Variants in CDC27 observed in about 807,000 individuals in gnomAD.
CDC27 encodes the protein cell division cycle protein 27 homolog.
CDC27 carries 27 observed loss-of-function variants against 109.7 expected under a neutral mutation model. The observed-to-expected ratio is 0.25, with a 90% confidence interval of 0.18 to 0.34. The LOEUF is 0.34. CDC27 is among the 10% of genes least tolerant of loss of function. The probability of loss-of-function intolerance (pLI) is 1.00; values close to 1 mark genes in which losing one functional copy is unlikely to be tolerated. For missense variants in CDC27, 579 were observed against 960.2 expected (o/e 0.60, Z 5.25); for synonymous variants, 266 against 333.9 (o/e 0.80, Z 2.22).
At chr17:47,163,463 G>A (rs541891485) in intron 4 of CDC27, among the ~76,000 whole-genome samples, 1 of 152,314 alleles carries the variant, frequency 6.6e-6, no homozygotes, top group East Asian at 1.9e-4. Flanking sequence ...CACTTTGGGA[G>A]GCTGAGGTGC....
In CDC27 at chr17:47,122,402, G is replaced by C. The variant is rs1240161863; in HGVS notation, c.2392+42C>G. Reference sequence around the variant, plus strand: ...GTAGCCTACAAATCCTTATGCAAAAGGTAACTTTCTAAATACTCAAAATCA... The same window carrying C: ...GTAGCCTACAAATCCTTATGCAAAACGTAACTTTCTAAATACTCAAAATCA... On this transcript the variant is annotated intron_variant, in intron 18 of 18. Transcript: ENST00000066544. 5.9e-6 allele frequency: 8 copies of C among 1,358,976 alleles called. No homozygotes were observed. The East Asian group carries it at 1.7e-4, about 29-fold the overall frequency. 84.2% of individuals were successfully genotyped at this position (1,358,976 alleles called of 1,614,324 possible). A position where few individuals can be genotyped will look rare whatever the true frequency, so the allele number is the denominator to read the frequency against.
intron 16 of CDC27, among the ~76,000 whole-genome samples, chr17:47,124,178 AACACACACAC>A (rs59790354): frequency 2.1e-5 from 3 of 144,500 alleles, no homozygotes; most frequent in East Asian, 2.0e-4. Flanking sequence ...GTACACTGAA[AACACACACAC>A]ACACACACAC....
intron 9 of CDC27, among the ~76,000 whole-genome samples, chr17:47,148,305 G>A (rs2063043182): frequency 6.6e-6 from 1 of 152,178 alleles, no homozygotes; most frequent in African/African-American, 2.4e-5. Flanking sequence ...AACACTGGGT[G>A]TGGTTAATAA....
chr17:47,184,054 G>T (rs1274805130), intron 1 of CDC27, among the ~76,000 whole-genome samples: 1 of 152,168 alleles, frequency 6.6e-6, no homozygotes, highest in African/African-American at 2.4e-5. Context: ...TAATTTTGCT[G>T]TAAGTGAAAG....
intron 8 of CDC27, among the ~76,000 whole-genome samples, chr17:47,152,871 A>G (rs992991669): frequency 6.6e-6 from 1 of 151,978 alleles, no homozygotes; most frequent in Admixed American, 6.6e-5. Context: ...TCCTTCTACT[A>G]TTTTTAAATT....
chr17:47,166,399 G>C (rs191372464), intron 4 of CDC27, among the ~76,000 whole-genome samples: 1 of 152,280 alleles, frequency 6.6e-6, no homozygotes, highest in East Asian at 1.9e-4. Flanking sequence ...GCATAGAGTT[G>C]TTTTAAGTTT....
At chr17:47,180,485 T>C (rs2148998154) in intron 2 of CDC27, among the ~76,000 whole-genome samples, 1 of 152,274 alleles carries the variant, frequency 6.6e-6, no homozygotes, top group East Asian at 1.9e-4. Context: ...CATTGCTCTT[T>C]GTCCTTTTGT....
rs2063138796 is a variant in CDC27 at position 47,151,084 on chromosome 17, A to G, written c.1070+722T>C. Among the ~76,000 whole-genome samples the G allele has an allele frequency of 2.6e-5, 4 of 152,370 alleles. No individual in the cohort carries two copies. The South Asian group carries it at 8.3e-4, about 32-fold the overall frequency. On this transcript the variant is annotated intron_variant, in intron 9 of 18. Transcript: ENST00000066544. ...AGTGTTAGTCTATTTGTTTGACTCT[A>G]AAGTGAAATGTACAAATCGGAAATT...
Position 47,171,911 on chromosome 17 carries a change from A to T in CDC27, c.251+6T>A. On this transcript the variant is annotated splice_donor_region_variant and intron_variant, in intron 3 of 18. Coordinates refer to ENST00000066544, the MANE Select transcript of CDC27 (RefSeq NM_001256.6). ...CAAAATAGCTAGAAAATATTTTAAA[A>T]CTTACTTGCTGAGATCAACACAACA... The T allele has an allele frequency of 6.3e-7, 1 of 1,575,556 alleles. No individual in the cohort carries two copies. The highest frequency in any genetic ancestry group is 8.6e-7 in the Non-Finnish European group (1 of 1,164,826).
chr17:47,129,616 T>A (rs183712558), intron 15 of CDC27, 95 bp from the exon 16 acceptor site: 8 of 806,200 alleles, frequency 9.9e-6, no homozygotes, highest in Middle Eastern at 2.4e-4. Context: ...ATCAAATTAT[T>A]AGAGATAAGG....
At chr17:47,127,316 G>C (rs190521918) in intron 16 of CDC27, among the ~76,000 whole-genome samples, 1 of 151,976 alleles carries the variant, frequency 6.6e-6, no homozygotes, top group African/African-American at 2.4e-5. Context: ...ATAGAAACCC[G>C]TGTCTTCATA....
At chr17:47,173,901 T>C (rs1274675429) in intron 2 of CDC27, among the ~76,000 whole-genome samples, 1 of 152,230 alleles carries the variant, frequency 6.6e-6, no homozygotes, top group Non-Finnish European at 1.5e-5. Flanking sequence ...AAGCCCAGCC[T>C]GGCCAACATG....
intron 16 of CDC27, among the ~76,000 whole-genome samples, chr17:47,124,713 T>A (rs1292575973): frequency 6.6e-6 from 1 of 152,270 alleles, no homozygotes; most frequent in Non-Finnish European, 1.5e-5. Context: ...CACATCTATC[T>A]GCTTCTCCAT....
intron 4 of CDC27, among the ~76,000 whole-genome samples, chr17:47,158,544 C>T (rs867736873): frequency 9.2e-5 from 14 of 151,938 alleles, no homozygotes; most frequent in Admixed American, 2.6e-4. Context: ...ATTACTATTA[C>T]TTTAAACTTC....
chr17:47,187,742 A>G (rs2064501517), intron 1 of CDC27, among the ~76,000 whole-genome samples: 1 of 151,962 alleles, frequency 6.6e-6, no homozygotes, highest in African/African-American at 2.4e-5. Context: ...ACAAAATTAT[A>G]AGAATATGCA....
At chr17:47,161,470 G>C (rs2063495763) in intron 4 of CDC27, among the ~76,000 whole-genome samples, 1 of 152,114 alleles carries the variant, frequency 6.6e-6, no homozygotes, top group African/African-American at 2.4e-5. Context: ...AAAATACACA[G>C]CCAGGCACGG....
At chr17:47,188,100 G>A (rs1278790497) in intron 1 of CDC27, among the ~76,000 whole-genome samples, 1 of 152,142 alleles carries the variant, frequency 6.6e-6, no homozygotes, top group Non-Finnish European at 1.5e-5. Context: ...AATATTTACT[G>A]TTTGATACCT....
chr17:47,145,755 G>A (rs2062938009), intron 9 of CDC27, among the ~76,000 whole-genome samples: 1 of 152,070 alleles, frequency 6.6e-6, no homozygotes, highest in Non-Finnish European at 1.5e-5. Flanking sequence ...ACAAAAATTA[G>A]CTGGGCATGA....
At chr17:47,163,749 C>G (rs1168339976) in intron 4 of CDC27, among the ~76,000 whole-genome samples, 1 of 152,172 alleles carries the variant, frequency 6.6e-6, no homozygotes, top group Non-Finnish European at 1.5e-5. Context: ...TGACAATAGT[C>G]TCATAAGATT....
Sources: gnomAD v4.1 joint callset for allele counts (sites outside exome capture counted in the v4.1 genomes callset) on GRCh38, gnomAD v4.1.1 for gene constraint, MANE v1.5 for transcripts, NCBI Gene and HGNC (gene_info 2026-07-23, HGNC 2026-07-21) for gene names.